Variants in MCF2L2 observed in about 807,000 individuals in gnomAD.
The protein encoded by MCF2L2 is MCF.2 cell line derived transforming sequence-like 2.
Under a neutral mutation model 150.2 loss-of-function variants are expected in MCF2L2, and 102 were observed. That is an observed-to-expected ratio of 0.68 (90% confidence interval 0.58 to 0.80). MCF2L2 has a LOEUF of 0.80. Ranked by LOEUF, MCF2L2 falls within the 30% of genes least tolerant of loss-of-function variation. The pLI, the probability that MCF2L2 is intolerant of heterozygous loss-of-function variation, is 0.00. For synonymous variants in MCF2L2, 465 were observed against 491.3 expected (o/e 0.95, Z 0.71); for missense variants, 1,256 against 1,372.8 (o/e 0.91, Z 1.34).
At chr3:183,218,402 G>A (rs796867024) in intron 21 of MCF2L2, among the ~76,000 whole-genome samples, 6 of 152,208 alleles carry the variant, frequency 3.9e-5, no homozygotes, top group African/African-American at 1.4e-4. Flanking sequence ...TTGGGAGGCC[G>A]AGGGGGGGAG....
chr3:183,280,994 G>A lies in MCF2L2; in HGVS notation c.1777-4037C>T, dbSNP rs114697602. 6.0e-3 allele frequency among the ~76,000 whole-genome samples: 913 copies of A among 152,140 alleles called. 9 individuals carry two copies. The highest frequency in any genetic ancestry group is 0.02 in the African/African-American group (848 of 41,494). ...AATTCTGAGGAGAGAAAAAAAAGCA[G>A]ATTTCAAGGGCCCGTGCCACCTTCT... On this transcript the variant is annotated intron_variant, in intron 14 of 29. Coordinates refer to ENST00000328913, the MANE Select transcript of MCF2L2 (RefSeq NM_015078.4).
intron 10 of MCF2L2, among the ~76,000 whole-genome samples, chr3:183,306,089 G>A (rs930397298): frequency 5.0e-4 from 76 of 152,304 alleles, no homozygotes; most frequent in African/African-American, 1.8e-3. Flanking sequence ...TATTCAGAAA[G>A]GCTACGAAAC....
chr3:183,221,679 G>A (rs747913077), intron 20 of MCF2L2, among the ~76,000 whole-genome samples: 1 of 152,150 alleles, frequency 6.6e-6, no homozygotes, highest in Non-Finnish European at 1.5e-5. Flanking sequence ...AGTGACAATG[G>A]GACATGCAGA....
At chr3:183,381,021 G>T (rs1713496693) in intron 2 of MCF2L2, among the ~76,000 whole-genome samples, 1 of 152,038 alleles carries the variant, frequency 6.6e-6, no homozygotes, top group Admixed American at 6.6e-5. Context: ...GGCCTAGGGG[G>T]GCCATGAAAA....
chr3:183,319,195 G>A (rs930656151), intron 6 of MCF2L2, among the ~76,000 whole-genome samples: 6 of 152,198 alleles, frequency 3.9e-5, no homozygotes, highest in East Asian at 1.9e-4. Flanking sequence ...TGTGCATAAC[G>A]TCATCACCAG....
chr3:183,393,289 GTTCAAGCGA>G (rs1714267519), intron 1 of MCF2L2, among the ~76,000 whole-genome samples: 1 of 151,636 alleles, frequency 6.6e-6, no homozygotes, highest in African/African-American at 2.4e-5. Context: ...CACCTCCCGG[GTTCAAGCGA>G]TTCTCCTGCC....
chr3:183,226,023 C>G (rs925796270), intron 18 of MCF2L2: 3 of 152,148 alleles, frequency 2.0e-5, no homozygotes, highest in African/African-American at 7.2e-5. Flanking sequence ...AGCACCCATT[C>G]CAGTGCTCTT....
chr3:183,181,779 G>C lies in MCF2L2; in HGVS notation c.3017-1620C>G, dbSNP rs1292085943. On this transcript the variant is annotated intron_variant, in intron 27 of 29. Coordinates refer to ENST00000328913, the MANE Select transcript of MCF2L2 (RefSeq NM_015078.4). This position sits in a 1 kb window ranked among gnomAD's most constrained non-coding sequence, Gnocchi z 4.3. ...GATGCCAGGGCTGCTAGGGACCATA[G>C]AGCCACCCACTGGGAGGCTGGCGGT... is the stretch of plus-strand genomic sequence containing the variant. Among the ~76,000 whole-genome samples the C allele has an allele frequency of 1.3e-5, 2 of 152,146 alleles. No homozygotes were observed. Among genetic ancestry groups the C allele is most frequent in the Admixed American group, 1.3e-4 (2 of 15,284 alleles).
rs186746695 is a variant in MCF2L2 at position 183,198,096 on chromosome 3, A to G, written c.2885-2841T>C. On this transcript the variant is annotated intron_variant, in intron 25 of 29. Coordinates refer to ENST00000328913, the MANE Select transcript of MCF2L2 (RefSeq NM_015078.4). ...ACTCTTAGGTATTTACCCAAGAGAA[A>G]TGAAAACACATGTCCACACAAAGAC... is the stretch of plus-strand genomic sequence containing the variant. 3.8e-4 allele frequency among the ~76,000 whole-genome samples: 58 copies of G among 152,352 alleles called. 1 individual carries two copies. The highest frequency in any genetic ancestry group is 3.8e-3 in the Admixed American group (58 of 15,298).
intron 25 of MCF2L2, among the ~76,000 whole-genome samples, chr3:183,204,165 C>A (rs1560339469): frequency 6.6e-6 from 1 of 152,132 alleles, no homozygotes; most frequent in Admixed American, 6.6e-5. Flanking sequence ...ACTATAAACT[C>A]TTTGCAAAGA....
At position 183,361,077 on chromosome 3, in the gene MCF2L2, G is replaced by C. The variant is rs796521758; in HGVS notation, c.275+18220C>G. ...AGGAAAGACCAGATAAGACAGAAGA[G>C]AAGACAAGACAAGACAAGACAAGAC... On this transcript the variant is annotated intron_variant, in intron 3 of 29. Coordinates refer to ENST00000328913, the MANE Select transcript of MCF2L2 (RefSeq NM_015078.4). Among the ~76,000 whole-genome samples, 597 of 100,322 alleles carry C rather than the reference G, an allele frequency of 6.0e-3. 29 individuals are homozygous for C. Among genetic ancestry groups the C allele is most frequent in the African/African-American group, 0.037 (529 of 14,382 alleles). 65.8% of individuals were successfully genotyped at this position (100,322 alleles called of 152,430 possible).
In MCF2L2 at chr3:183,183,740, G is replaced by C. The variant is rs186542793; in HGVS notation, c.3017-3581C>G. 1.9e-3 allele frequency among the ~76,000 whole-genome samples: 289 copies of C among 152,230 alleles called. 1 individual carries two copies. Among genetic ancestry groups the C allele is most frequent in the African/African-American group, 6.4e-3 (267 of 41,514 alleles). ...ACAAATAGTACCTGTTATGATTATT[G>C]TGTATAGCAATTACAATAATACTAA... On this transcript the variant is annotated intron_variant, in intron 27 of 29. Transcript: ENST00000328913.
At chr3:183,355,752 C>T (rs964849876) in intron 3 of MCF2L2, among the ~76,000 whole-genome samples, 1 of 151,628 alleles carries the variant, frequency 6.6e-6, no homozygotes, top group African/African-American at 2.4e-5. Flanking sequence ...AGGCGTGAGC[C>T]ACCGCACCCG....
At chr3:183,363,475 A>C (rs1712334508) in intron 3 of MCF2L2, among the ~76,000 whole-genome samples, 1 of 152,232 alleles carries the variant, frequency 6.6e-6, no homozygotes, top group South Asian at 2.1e-4. Flanking sequence ...ATTATTTAGC[A>C]CTAAAAAGAA....
At chr3:183,378,425 G>T (rs1191298774) in intron 3 of MCF2L2, 2 of 152,210 alleles carry the variant, frequency 1.3e-5, no homozygotes, top group African/African-American at 4.8e-5. Context: ...TCGAAGACCT[G>T]GGCCCATACC....
intron 5 of MCF2L2, among the ~76,000 whole-genome samples, chr3:183,327,373 G>A (rs949849422): frequency 1.3e-5 from 2 of 151,960 alleles, no homozygotes; most frequent in African/African-American, 4.8e-5. Context: ...CTAACCAATA[G>A]GCCAGGGAAG....
At chr3:183,238,995 C>CAAAA (rs60736939) in intron 15 of MCF2L2, among the ~76,000 whole-genome samples, 36 of 88,864 alleles carry the variant, frequency 4.1e-4, no homozygotes, top group African/African-American at 1.1e-3. Context: ...ATATCCGTCT[C>CAAAA]AAAAAAAAAA....
At chr3:183,211,611 G>C (rs1165032627) in intron 22 of MCF2L2, among the ~76,000 whole-genome samples, 1 of 152,204 alleles carries the variant, frequency 6.6e-6, no homozygotes, top group African/African-American at 2.4e-5. Flanking sequence ...CCCTGAGCAG[G>C]AGCAAGAATG....
chr3:183,265,644 C>T (rs896666727), intron 15 of MCF2L2: 1 of 152,354 alleles, frequency 6.6e-6, no homozygotes. Flanking sequence ...TGGGAAAGGC[C>T]TCCTAGTGAC....
Sources: allele counts gnomAD v4.1 joint callset (sites outside exome capture counted in the v4.1 genomes callset), GRCh38; gene constraint gnomAD v4.1.1; non-coding constraint Gnocchi (gnomAD v3.1); transcripts MANE v1.5; gene names NCBI Gene and HGNC (gene_info 2026-07-23, HGNC 2026-07-21).